The following PAPPA variants were observed in gnomAD, a reference collection of about 807,000 sequenced individuals.
PAPPA encodes the protein pappalysin-1.
PAPPA carries 60 observed loss-of-function variants against 164.0 expected under a neutral mutation model. The observed-to-expected ratio is 0.37, with a 90% CI of 0.30 to 0.45. PAPPA has a LOEUF of 0.45. Ranked by LOEUF, PAPPA falls within the 20% of genes least tolerant of loss-of-function variation. The pLI, the probability that PAPPA is intolerant of heterozygous loss-of-function variation, is 1.00. For missense variants in PAPPA, 1,782 were observed against 2,087.3 expected (o/e 0.85, Z 2.85); for synonymous variants, 875 against 814.1 (o/e 1.07, Z -1.27).
At chr9:116,167,591 A>T (rs1843731657) in intron 1 of PAPPA, among the ~76,000 whole-genome samples, 2 of 152,100 alleles carry the variant, frequency 1.3e-5, no homozygotes, top group Admixed American at 6.6e-5. Context: ...TCATCCTCTG[A>T]TGAGGGGCCC....
intron 19 of PAPPA, among the ~76,000 whole-genome samples, chr9:116,372,077 C>G (rs1206552720): frequency 6.6e-6 from 1 of 152,142 alleles, no homozygotes; most frequent in Non-Finnish European, 1.5e-5. Context: ...TTTTCTCAGT[C>G]CCCTTCCCTG....
chr9:116,376,930 G>A (rs1846661343), intron 19 of PAPPA, among the ~76,000 whole-genome samples: 1 of 152,078 alleles, frequency 6.6e-6, no homozygotes, highest in Admixed American at 6.6e-5. Context: ...GTTCATAATA[G>A]CCCATGTGCT....
intron 5 of PAPPA, among the ~76,000 whole-genome samples, chr9:116,224,523 G>T (rs1844481455): frequency 6.6e-6 from 1 of 152,150 alleles, no homozygotes; most frequent in Admixed American, 6.6e-5. Flanking sequence ...TTCTCCCAAA[G>T]ATGGTATATA....
chr9:116,182,703 G>C lies in PAPPA; in HGVS notation c.416-4451G>C, dbSNP rs954956256. 2.6e-5 allele frequency among the ~76,000 whole-genome samples: 4 copies of C among 152,124 alleles called. No homozygotes were observed. The East Asian group carries it at 7.7e-4, about 29-fold the overall frequency. On this transcript the variant is annotated intron_variant, in intron 1 of 21. Transcript: ENST00000328252. The stretch of plus-strand genomic sequence containing the variant: ...GGGATGAGATTGAATGAGTAGATGA[G>C]AAGAAAAAGAGGCAATGAAAAAAAT...
At chr9:116,191,620 A>G (rs1313903507) in intron 2 of PAPPA, among the ~76,000 whole-genome samples, 2 of 152,194 alleles carry the variant, frequency 1.3e-5, no homozygotes, top group Non-Finnish European at 2.9e-5. Flanking sequence ...GTAAATTTAG[A>G]GACACACAGT....
At chr9:116,392,458 G>A (rs750606779) in intron 21 of PAPPA, among the ~76,000 whole-genome samples, 1 of 152,286 alleles carries the variant, frequency 6.6e-6, no homozygotes, top group Non-Finnish European at 1.5e-5. Flanking sequence ...AGGTGGTGCA[G>A]AGTCAGAGAG....
intron 7 of PAPPA, among the ~76,000 whole-genome samples, chr9:116,236,284 G>T (rs1053865463): frequency 2.6e-5 from 4 of 151,954 alleles, no homozygotes; most frequent in African/African-American, 9.7e-5. Flanking sequence ...AGTAGTACTT[G>T]TCTTTCATAC....
chr9:116,361,183 T>C lies in PAPPA; in HGVS notation c.4348-1409T>C, dbSNP rs567669533. Among the ~76,000 whole-genome samples, 6 of 152,276 alleles carry C rather than the reference T, an allele frequency of 3.9e-5. No individual in the cohort carries two copies. In the East Asian group the frequency reaches 9.7e-4, roughly 25 times the overall value. On this transcript the variant is annotated intron_variant, in intron 17 of 21. Coordinates refer to ENST00000328252, the MANE Select transcript of PAPPA (RefSeq NM_002581.5). ...CCAGCACAGGAGTTTGCATGGAAGCTGAAGGTCACAGGAAGCCATTGCATA... is the reference window on the plus strand; with the variant it reads ...CCAGCACAGGAGTTTGCATGGAAGCCGAAGGTCACAGGAAGCCATTGCATA...
At chr9:116,165,047 A>G (rs1176641192) in intron 1 of PAPPA, among the ~76,000 whole-genome samples, 1 of 152,184 alleles carries the variant, frequency 6.6e-6, no homozygotes, top group Admixed American at 6.5e-5. Context: ...GACTGATAAC[A>G]TCTTAAAATG....
At chr9:116,243,232 C>G (rs1324849681) in intron 7 of PAPPA, among the ~76,000 whole-genome samples, 1 of 152,188 alleles carries the variant, frequency 6.6e-6, no homozygotes, top group Non-Finnish European at 1.5e-5. Context: ...ATGACACATT[C>G]TGAAGATACA....
intron 1 of PAPPA, among the ~76,000 whole-genome samples, chr9:116,183,492 G>C (rs896831628): frequency 2.0e-5 from 3 of 152,152 alleles, no homozygotes; most frequent in Admixed American, 6.5e-5. Context: ...GATCTCTGGT[G>C]CCAAACTTCT....
rs1564184125 is a variant in PAPPA, at chr9:116,207,468, T to C, written c.1491T>C (p.Asp497=). The change falls in exon 3 of 22, where the codon GAT becomes GAC. Residue 497 remains aspartate, a synonymous_variant. Coordinates refer to ENST00000328252, the MANE Select transcript of PAPPA (RefSeq NM_002581.5). The part of the protein sequence containing the change: ...DPDSPHRAYL[D]VNELKNILKL... ...TTTTCTGTTTCAGAGCCTACTTGGA[T>C]GTTAATGAGCTGAAGAACATTCTTA... is the stretch of plus-strand genomic sequence containing the variant. 6.2e-7 allele frequency: 1 copy of C among 1,611,548 alleles called. No individual in the cohort carries two copies. The highest frequency in any genetic ancestry group is 1.7e-5 in the Admixed American group (1 of 59,734).
chr9:116,212,839 C>G (rs1844325471), intron 4 of PAPPA, among the ~76,000 whole-genome samples: 1 of 152,140 alleles, frequency 6.6e-6, no homozygotes, highest in Non-Finnish European at 1.5e-5. Context: ...AGCAATATTT[C>G]TACTCATGTA....
intron 1 of PAPPA, among the ~76,000 whole-genome samples, chr9:116,156,348 G>GTA (rs746877150): frequency 0.28 from 32,803 of 116,568 alleles, 4,863 homozygotes; most frequent in Non-Finnish European, 0.42. Context: ...ATATATATAT[G>GTA]TATATATATA....
At position 116,402,260 on chromosome 9, in the gene PAPPA, C is replaced by T. The variant is rs1273196931; in HGVS notation, c.*5644C>T. The T allele has an allele frequency of 6.6e-6, 1 of 152,500 alleles. No individual in the cohort carries two copies. The highest frequency in any genetic ancestry group is 2.4e-5 in the African/African-American group (1 of 41,418). 9.4% of individuals were successfully genotyped at this position (152,500 alleles called of 1,614,324 possible). ...TGTCAGAGACAGAAATATTTTGCCA[C>T]TGTTGATTACTATACTTTAAAGTTC... is the stretch of plus-strand genomic sequence containing the variant. On this transcript the variant is annotated 3_prime_UTR_variant, in exon 22 of 22. Transcript: ENST00000328252.
At chr9:116,285,056 G>C (rs867244549) in intron 9 of PAPPA, among the ~76,000 whole-genome samples, 194 of 152,042 alleles carry the variant, frequency 1.3e-3, no homozygotes, top group African/African-American at 4.4e-3. Flanking sequence ...TGTTGCCCTT[G>C]AGATAAATTT....
Position 116,344,690 on chromosome 9 carries a change from T to A in PAPPA, c.3759T>A (p.Asp1253Glu), listed in dbSNP as rs112369830. The A allele has an allele frequency of 6.2e-7, 1 of 1,613,840 alleles. No individual in the cohort carries two copies. Among genetic ancestry groups the A allele is most frequent in the Non-Finnish European group, 8.5e-7 (1 of 1,179,858 alleles). ...RTGYVLQIRR[D>E]DELIKSQTGP... ...GCTACGTGCTCCAGATACGGCGGGA[T>A]GATGAGCTGATCAAGAGCCAGGTAT... The change falls in exon 14 of 22, where the codon GAT becomes GAA. Residue 1253 changes from aspartate to glutamate, a missense_variant. Physicochemically the swap from Asp to Glu is conservative, Grantham distance 45. Around this residue, in one of 2 missense-constraint regions of PAPPA, gnomAD observed 1,324 missense variants for 1,656.9 expected, o/e 0.80. Coordinates refer to ENST00000328252, the MANE Select transcript of PAPPA (RefSeq NM_002581.5).
At chr9:116,374,901 T>C (rs10983119) in intron 19 of PAPPA, among the ~76,000 whole-genome samples, 4,206 of 152,338 alleles carry the variant, frequency 0.028, 146 homozygotes, top group Admixed American at 0.11. Context: ...CGTAGCTTAA[T>C]TGAAAGAAAG....
intron 7 of PAPPA, among the ~76,000 whole-genome samples, chr9:116,237,764 G>T (rs372450827): frequency 1.3e-5 from 2 of 151,456 alleles, no homozygotes; most frequent in East Asian, 1.9e-4. Context: ...CTCTTGCCCA[G>T]GTTGGAGTGC....
Sources: gnomAD v4.1 joint callset for allele counts (sites outside exome capture counted in the v4.1 genomes callset) on GRCh38, gnomAD v4.1.1 for gene constraint, gnomAD v4.1.1 regional missense constraint, MANE v1.5 for transcripts, NCBI Gene and HGNC (gene_info 2026-07-23, HGNC 2026-07-21) for gene names.